ERICH6: variants seen among roughly 807,000 people sequenced by gnomAD.
ERICH6 encodes the protein glutamate-rich protein 6.
A neutral mutation model predicts 71.0 loss-of-function variants in ERICH6; 71 were observed. The observed-to-expected ratio is 1.00, with a 90% CI of 0.83 to 1.22. The LOEUF is 1.22. ERICH6 is among the 50% of genes most tolerant of loss of function. The pLI is 0.00. For missense variants in ERICH6, 808 were observed against 797.2 expected (o/e 1.01, Z -0.16); for synonymous variants, 262 against 278.4 (o/e 0.94, Z 0.59).
At chr3:150,702,889 A>AGTGTGTGTGTGTGTGT (rs10663390) in intron 1 of ERICH6, among the ~76,000 whole-genome samples, 7 of 113,448 alleles carry the variant, frequency 6.2e-5, no homozygotes, top group African/African-American at 2.4e-4. Flanking sequence ...AAATAATATG[A>AGTGTGTGTGTGTGTGT]GTGTGTGTGT....
rs367595030 is a variant in ERICH6 at position 150,680,426 on chromosome 3, C to T, written c.1111+42G>A. 287 of 1,582,604 alleles carry T rather than the reference C, an allele frequency of 1.8e-4. 3 individuals carry two copies. The highest frequency in any genetic ancestry group is 2.1e-4 in the Non-Finnish European group (239 of 1,153,268). ...TTGGTTAAACATCTGAGCTTTCTGA[C>T]GTTGTACAGCTGGTCTATAAGATCA... On this transcript the variant is annotated intron_variant, in intron 9 of 13. Coordinates refer to ENST00000295910, the MANE Select transcript of ERICH6 (RefSeq NM_152394.5).
Position 150,678,530 on chromosome 3 carries a change from G to T in ERICH6, c.1136C>A (p.Ser379Tyr), listed in dbSNP as rs772349194. 20 of 1,599,914 alleles carry T rather than the reference G, an allele frequency of 1.3e-5. No homozygotes were observed. Among genetic ancestry groups the T allele is most frequent in the Non-Finnish European group, 1.4e-5 (17 of 1,176,520 alleles). ...TGGAATATCCACAGAAAGTTGATAA[G>T]AAATTGTTTTTAAGCGCTTTGAATC... is the stretch of plus-strand genomic sequence containing the variant. ...EDDSKRLKTI[S>Y]YQLSVDIPEK... Residue 379 changes from serine (S) to tyrosine (Y), a missense_variant, in exon 10 of 14, where the codon TCT becomes TAT. Transcript: ENST00000295910.
At chr3:150,662,708 A>T (rs1727267356) in intron 13 of ERICH6, among the ~76,000 whole-genome samples, 1 of 152,002 alleles carries the variant, frequency 6.6e-6, no homozygotes, top group Admixed American at 6.6e-5. Context: ...AAAGAAAATG[A>T]CAGCACTATA....
At chr3:150,688,335 A>AT (rs1176891385) in intron 3 of ERICH6, among the ~76,000 whole-genome samples, 1 of 152,204 alleles carries the variant, frequency 6.6e-6, no homozygotes, top group Non-Finnish European at 1.5e-5. Flanking sequence ...AAAGCAAAAA[A>AT]GCAAAACAAG....
chr3:150,677,524 T>G (rs1711706774), intron 10 of ERICH6, among the ~76,000 whole-genome samples: 1 of 151,244 alleles, frequency 6.6e-6, no homozygotes, highest in South Asian at 2.1e-4. Flanking sequence ...TGAGACAGAG[T>G]TTTGCTCTGT....
intron 6 of ERICH6, among the ~76,000 whole-genome samples, chr3:150,682,669 C>T (rs1282622310): frequency 6.6e-6 from 1 of 152,158 alleles, no homozygotes; most frequent in Non-Finnish European, 1.5e-5. Context: ...TACCTAGATG[C>T]AAGAGATAAG....
chr3:150,673,703 T>G (rs1014281510), intron 11 of ERICH6, among the ~76,000 whole-genome samples: 1 of 152,104 alleles, frequency 6.6e-6, no homozygotes, highest in East Asian at 1.9e-4. Flanking sequence ...ATCCTTCTAC[T>G]TCAGTCTCCC....
At chr3:150,692,497 G>A (rs1333672293) in intron 3 of ERICH6, among the ~76,000 whole-genome samples, 1 of 151,842 alleles carries the variant, frequency 6.6e-6, no homozygotes, top group Admixed American at 6.6e-5. Context: ...AAGATATTAG[G>A]TTCCTTAAAG....
rs749336490 is a variant in ERICH6 at position 150,678,375 on chromosome 3, A to T, written c.1257+34T>A. On this transcript the variant is annotated intron_variant, in intron 10 of 13. Transcript: ENST00000295910. ...ATTTTAGGTAAAACTGGTTTTTTTT[A>T]AAATAGCAAGTAAAAAAATTACAAG... 30 of 1,528,128 alleles carry T rather than the reference A, an allele frequency of 2.0e-5. No individual in the cohort carries two copies. In the East Asian group the frequency reaches 2.4e-4, roughly 12 times the overall value. 94.7% of individuals were successfully genotyped at this position (1,528,128 alleles called of 1,614,324 possible). A position where few individuals can be genotyped will look rare whatever the true frequency, so the allele number is the denominator to read the frequency against.
At chr3:150,702,889 AGT>A (rs10663390) in intron 1 of ERICH6, among the ~76,000 whole-genome samples, 7,936 of 113,294 alleles carry the variant, frequency 0.07, 755 homozygotes, top group African/African-American at 0.23. Context: ...AAATAATATG[AGT>A]GTGTGTGTGT....
At chr3:150,698,721 T>G (rs1248377004) in intron 3 of ERICH6, 70 bp downstream of exon 3, 6 of 1,320,866 alleles carry the variant, frequency 4.5e-6, no homozygotes, top group Non-Finnish European at 6.6e-6. Context: ...TGTACTGGCC[T>G]TCTACACCTG....
chr3:150,693,034 G>T (rs1448784797), intron 3 of ERICH6, among the ~76,000 whole-genome samples: 1 of 152,054 alleles, frequency 6.6e-6, no homozygotes, highest in South Asian at 2.1e-4. Flanking sequence ...TGCTTAAAAC[G>T]TTGCTGATCC....
intron 12 of ERICH6, among the ~76,000 whole-genome samples, chr3:150,668,050 T>TA (rs544718110): frequency 6.7e-4 from 102 of 152,322 alleles, no homozygotes; most frequent in African/African-American, 2.4e-3. Context: ...TCAGTGGTAG[T>TA]AATCTAATAA....
chr3:150,673,037 G>A (rs528052565), intron 11 of ERICH6, among the ~76,000 whole-genome samples: 3 of 151,992 alleles, frequency 2.0e-5, no homozygotes, highest in African/African-American at 7.2e-5. Context: ...AAAAACAATA[G>A]TAATAAAATG....
intron 13 of ERICH6, among the ~76,000 whole-genome samples, chr3:150,661,640 G>A (rs999537666): frequency 2.4e-4 from 36 of 152,140 alleles, no homozygotes; most frequent in African/African-American, 8.2e-4. Context: ...AAAACAACTA[G>A]AGGATTTGGA....
chr3:150,680,618 T>G, intron 8 of ERICH6, 80 bp from the exon 9 acceptor site: 1 of 1,580,356 alleles, frequency 6.3e-7, no homozygotes, highest in Non-Finnish European at 8.7e-7. Context: ...TTCAGCTGCT[T>G]AAATGCCATC....
intron 6 of ERICH6, among the ~76,000 whole-genome samples, chr3:150,685,289 C>A (rs1712134640): frequency 6.6e-6 from 1 of 152,108 alleles, no homozygotes; most frequent in Non-Finnish European, 1.5e-5. Flanking sequence ...TGAGAGTGGG[C>A]CCAAATCCAA....
chr3:150,688,319 T>TC (rs1419914776), intron 3 of ERICH6, among the ~76,000 whole-genome samples: 1 of 151,802 alleles, frequency 6.6e-6, no homozygotes, highest in Non-Finnish European at 1.5e-5. Flanking sequence ...AGGGAAGAGC[T>TC]CAAAAAAAGC....
chr3:150,691,118 C>G (rs940790067), intron 3 of ERICH6, among the ~76,000 whole-genome samples: 10 of 152,298 alleles, frequency 6.6e-5, no homozygotes, highest in Admixed American at 2.6e-4. Flanking sequence ...TTCACTGTCT[C>G]AGTTATAATT....
Sources: gnomAD v4.1 joint callset for allele counts (sites outside exome capture counted in the v4.1 genomes callset) on GRCh38, gnomAD v4.1.1 for gene constraint, MANE v1.5 for transcripts, NCBI Gene and HGNC (gene_info 2026-07-23, HGNC 2026-07-21) for gene names.